Variants in GEMIN5 observed in about 807,000 individuals in gnomAD.
The protein encoded by GEMIN5 is gem nuclear organelle associated protein 5.
A neutral mutation model predicts 176.9 loss-of-function variants in GEMIN5; 124 were observed. The observed-to-expected ratio is 0.70, with a 90% CI of 0.61 to 0.81. GEMIN5 has a LOEUF of 0.81. GEMIN5 is among the 40% of genes least tolerant of loss of function. The probability of loss-of-function intolerance (pLI) is 0.00; values close to 1 mark genes in which losing one functional copy is unlikely to be tolerated. For synonymous variants in GEMIN5, 673 were observed against 665.2 expected, an observed-to-expected ratio of 1.01 and a Z score of -0.18; for missense variants, 1,843 against 1,814.6, an observed-to-expected ratio of 1.02 and a Z score of -0.28.
chr5:154,905,700 GTT>G (rs112942279), intron 16 of GEMIN5, among the ~76,000 whole-genome samples: 3 of 139,056 alleles, frequency 2.2e-5, no homozygotes, highest in Non-Finnish European at 1.6e-5. Flanking sequence ...TATTACTTTG[GTT>G]TTTTTTTTTT....
At chr5:154,897,370 G>T (rs1246110247) in intron 23 of GEMIN5, among the ~76,000 whole-genome samples, 1 of 152,180 alleles carries the variant, frequency 6.6e-6, no homozygotes, top group Non-Finnish European at 1.5e-5. Context: ...TCAGAAACTA[G>T]GTAAGTGTGC....
chr5:154,935,301 C>G (rs528527275), intron 3 of GEMIN5, among the ~76,000 whole-genome samples: 1 of 152,314 alleles, frequency 6.6e-6, no homozygotes, highest in Non-Finnish European at 1.5e-5. Flanking sequence ...ATTTCTCCTT[C>G]AACATTCTAG....
rs563753394 is a variant in GEMIN5 at position 154,920,408 on chromosome 5, T to A, written c.1463-305A>T. On this transcript the variant is annotated intron_variant, in intron 10 of 27. Transcript: ENST00000285873. ...AAGCTGGGATCAGAAAACAAACATA[T>A]ATGTTCTCAAAAGCTTCTGAGAATT... 9.2e-5 allele frequency among the ~76,000 whole-genome samples: 14 copies of A among 152,336 alleles called. No homozygotes were observed. The East Asian group carries it at 1.7e-3, about 19-fold the overall frequency.
intron 18 of GEMIN5, among the ~76,000 whole-genome samples, chr5:154,904,242 A>C (rs1763524709): frequency 6.6e-6 from 1 of 152,332 alleles, no homozygotes; most frequent in African/African-American, 2.4e-5. Flanking sequence ...TCTGGCACAC[A>C]GATGGCTGGG....
intron 23 of GEMIN5, among the ~76,000 whole-genome samples, chr5:154,897,914 GT>G (rs35458616): frequency 1.8e-4 from 22 of 124,452 alleles, no homozygotes; most frequent in Middle Eastern, 4.7e-3. Context: ...TTTTTTTTGT[GT>G]TTTTTTTTTT....
chr5:154,930,353 A>G (rs1046817819), intron 5 of GEMIN5, among the ~76,000 whole-genome samples: 2 of 152,168 alleles, frequency 1.3e-5, no homozygotes, highest in Non-Finnish European at 2.9e-5. Flanking sequence ...GTAAGGGCGC[A>G]CCCTTCTATA....
intron 10 of GEMIN5, among the ~76,000 whole-genome samples, chr5:154,920,892 A>G (rs1374328447): frequency 6.6e-6 from 1 of 152,206 alleles, no homozygotes; most frequent in Non-Finnish European, 1.5e-5. Flanking sequence ...GAGGGAAAGG[A>G]GCAGAATGCT....
In GEMIN5 at chr5:154,899,451, A is replaced by G. The variant is rs753260066; in HGVS notation, c.3015-141T>C. On this transcript the variant is annotated intron_variant, in intron 21 of 27. Coordinates refer to ENST00000285873, the MANE Select transcript of GEMIN5 (RefSeq NM_015465.5). ...TTCCTTTAAAAACTGCACTTGCATT[A>G]TATAGACAAATTAGAAACATATGCT... 7.6e-5 allele frequency: 47 copies of G among 614,968 alleles called. No homozygotes were observed. The Middle Eastern group carries it at 1.6e-3, about 20-fold the overall frequency. The allele number at this position is 614,968 out of a possible 1,614,324, so 38.1% of individuals were successfully genotyped here.
chr5:154,925,580 GTTATC>G (rs1423130176), intron 8 of GEMIN5, among the ~76,000 whole-genome samples: 2 of 152,076 alleles, frequency 1.3e-5, no homozygotes, highest in African/African-American at 4.8e-5. Context: ...CCAACATTTG[GTTATC>G]TTATAACTTA....
rs749420425 is a variant in GEMIN5 at position 154,917,916 on chromosome 5, GA to G, written c.1673+14del. ...GCGATTGCAAATTTTTTATCTTAAA[GA>G]AGCAAATACATACCCATCTTCATTG... On this transcript the variant is annotated intron_variant, in intron 12 of 27. Transcript: ENST00000285873. The G allele has an allele frequency of 3.6e-5, 56 of 1,564,176 alleles. No homozygotes were observed. Among genetic ancestry groups the G allele is most frequent in the Non-Finnish European group, 4.8e-5 (55 of 1,134,916 alleles).
intron 8 of GEMIN5, 73 bp from the exon 9 acceptor site, chr5:154,924,627 C>A: frequency 1.2e-6 from 1 of 855,646 alleles, no homozygotes; most frequent in South Asian, 1.5e-5. Context: ...TTACATTACC[C>A]TTTAAGCATC....
chr5:154,894,905 T>TA (rs75462033), intron 24 of GEMIN5, among the ~76,000 whole-genome samples: 2,680 of 117,064 alleles, frequency 0.023, 67 homozygotes, highest in African/African-American at 0.074. Context: ...AGACTCCATC[T>TA]AAAAAAAAAA....
intron 3 of GEMIN5, among the ~76,000 whole-genome samples, chr5:154,934,682 A>C (rs2113517151): frequency 6.6e-6 from 1 of 152,288 alleles, no homozygotes. Context: ...TACTTACTCC[A>C]CAAAGCCCCA....
chr5:154,897,309 C>T (rs1241183053), intron 23 of GEMIN5, among the ~76,000 whole-genome samples: 3 of 152,158 alleles, frequency 2.0e-5, no homozygotes, highest in African/African-American at 7.2e-5. Context: ...TAAAAAACCT[C>T]TTGTTAGTAT....
intron 9 of GEMIN5, among the ~76,000 whole-genome samples, chr5:154,923,224 T>C (rs1429943351): frequency 6.6e-6 from 1 of 152,022 alleles, no homozygotes; most frequent in Non-Finnish European, 1.5e-5. Flanking sequence ...CTACTAAAGA[T>C]ACAAAATTAG....
chr5:154,926,909 C>T (rs973571085), intron 7 of GEMIN5, among the ~76,000 whole-genome samples: 25 of 152,046 alleles, frequency 1.6e-4, no homozygotes, highest in South Asian at 8.3e-4. Context: ...ATTAGCTGGG[C>T]GTAGGTGATA....
Position 154,888,082 on chromosome 5 carries a change from G to GTTTGT in GEMIN5, c.*123_*127dup. On this transcript the variant is annotated 3_prime_UTR_variant, in exon 28 of 28. Coordinates refer to ENST00000285873, the MANE Select transcript of GEMIN5 (RefSeq NM_015465.5). ...CAGGGTTGATTCAAACTTAATCCTT[G>GTTTGT]TTTGTATTCTTTTGGATTACTGCAA... 1 of 864,034 alleles carries GTTTGT rather than the reference G, an allele frequency of 1.2e-6. No homozygotes were observed. The highest frequency in any genetic ancestry group is 1.9e-6 in the Non-Finnish European group (1 of 539,448). 53.5% of individuals were successfully genotyped at this position (864,034 alleles called of 1,614,324 possible).
At position 154,898,514 on chromosome 5, in the gene GEMIN5, A is replaced by G; in HGVS notation, c.3271T>C (p.Cys1091Arg). ...TTGGCCAGAAGCAGCTCTTGGGCAC[A>G]TCTGAGAGCCAGGGAAGCAGACAAC... The part of the protein sequence containing the change: ...DELSASLALR[C>R]AQELLLANNW... Residue 1091 changes from cysteine to arginine, a missense_variant, in exon 23 of 28, where the codon TGT (cysteine) becomes CGT (arginine). Transcript: ENST00000285873. 6.2e-7 allele frequency: 1 copy of G among 1,614,218 alleles called. No homozygotes were observed. The highest frequency in any genetic ancestry group is 8.5e-7 in the Non-Finnish European group (1 of 1,180,020).
At position 154,921,429 on chromosome 5, in the gene GEMIN5, T is replaced by C; in HGVS notation, c.1380-4A>G. The C allele has an allele frequency of 1.5e-6, 2 of 1,324,510 alleles. No individual in the cohort carries two copies. The highest frequency in any genetic ancestry group is 2.1e-6 in the Non-Finnish European group (2 of 941,552). The allele number at this position is 1,324,510 out of a possible 1,614,324, so 82.0% of individuals were successfully genotyped here. A position where few individuals can be genotyped will look rare whatever the true frequency, so the allele number is the denominator to read the frequency against. ...TGTGCTAGAAATCTGTGGAGGCCTT[T>C]AGAAGAGCAGGGAGAGAGAACAAAT... On this transcript the variant is annotated splice_region_variant and splice_polypyrimidine_tract_variant and intron_variant, in intron 9 of 27. Coordinates refer to ENST00000285873, the MANE Select transcript of GEMIN5 (RefSeq NM_015465.5).
Sources: allele counts gnomAD v4.1 joint callset (sites outside exome capture counted in the v4.1 genomes callset), GRCh38; gene constraint gnomAD v4.1.1; transcripts MANE v1.5; gene names NCBI Gene and HGNC (gene_info 2026-07-23, HGNC 2026-07-21).